Variants in NCOA1 observed in about 807,000 individuals in gnomAD.
NCOA1 encodes the protein Hin-2 protein.
Under a neutral mutation model 150.9 loss-of-function variants are expected in NCOA1, and 35 were observed. That is an observed-to-expected ratio of 0.23 (90% CI 0.18 to 0.31). The LOEUF (loss-of-function observed/expected upper bound fraction) is 0.31. Ranked by LOEUF, NCOA1 falls within the 10% of genes least tolerant of loss-of-function variation. The pLI, the probability that NCOA1 is intolerant of heterozygous loss-of-function variation, is 1.00. For missense variants in NCOA1, 1,491 were observed against 1,749.3 expected (o/e 0.85, Z 2.63); for synonymous variants, 590 against 630.0 (o/e 0.94, Z 0.95).
Position 24,762,855 on chromosome 2 carries a change from G to A in NCOA1, c.4155+79G>A, listed in dbSNP as rs180988917. On this transcript the variant is annotated intron_variant, in intron 22 of 22. Coordinates refer to ENST00000348332, the MANE Select transcript of NCOA1 (RefSeq NM_003743.5). Reference sequence around the variant, plus strand: ...AGGTCATTGTGTAGCATCATTAAGAGCCTGACCTTGGGAGTCAGACCTGGG... The same window carrying A: ...AGGTCATTGTGTAGCATCATTAAGAACCTGACCTTGGGAGTCAGACCTGGG... 201 of 1,302,590 alleles carry A rather than the reference G, an allele frequency of 1.5e-4. 3 individuals are homozygous for A. Among genetic ancestry groups the A allele is most frequent in the Non-Finnish European group, 7.7e-6 (7 of 906,088 alleles). 80.7% of individuals were successfully genotyped at this position (1,302,590 alleles called of 1,614,324 possible).
At position 24,768,172 on chromosome 2, in the gene NCOA1, C is replaced by T. The variant is rs751915847; in HGVS notation, c.4156-49C>T. ...CTTCAAGTAGTACCCACTCATAAGC[C>T]GGGGGGGCAGACCCTTCTGTCTAAA... is the stretch of plus-strand genomic sequence containing the variant. On this transcript the variant is annotated intron_variant, in intron 22 of 22. Transcript: ENST00000348332. 1.6e-5 allele frequency: 26 copies of T among 1,612,864 alleles called. No individual in the cohort carries two copies. The Admixed American group carries it at 2.3e-4, about 15-fold the overall frequency.
intron 1 of NCOA1, among the ~76,000 whole-genome samples, chr2:24,545,050 T>C (rs1476731137): frequency 3.3e-5 from 5 of 152,174 alleles, no homozygotes; most frequent in African/African-American, 1.2e-4. Flanking sequence ...TATGTATACA[T>C]AGCCTAGTAT....
intron 1 of NCOA1, among the ~76,000 whole-genome samples, chr2:24,537,705 G>A (rs1438560220): frequency 6.6e-6 from 1 of 151,888 alleles, no homozygotes; most frequent in African/African-American, 2.4e-5. Flanking sequence ...TTATGTTAGG[G>A]GTTTTTGTTA....
chr2:24,495,103 G>GTTTTTTTTTTT (rs770141833), intron 1 of NCOA1, among the ~76,000 whole-genome samples: 1 of 117,430 alleles, frequency 8.5e-6, no homozygotes, highest in Non-Finnish European at 1.8e-5. Context: ...TTTTTTTTTT[G>GTTTTTTTTTTT]TTTTTTTTTT....
At chr2:24,730,303 A>G (rs1235198747) in intron 17 of NCOA1, among the ~76,000 whole-genome samples, 2 of 152,200 alleles carry the variant, frequency 1.3e-5, no homozygotes, top group Non-Finnish European at 1.5e-5. Flanking sequence ...TCATTCAATT[A>G]AAGACCTTTC....
chr2:24,683,571 C>T (rs927961067), intron 8 of NCOA1, among the ~76,000 whole-genome samples: 3 of 152,144 alleles, frequency 2.0e-5, no homozygotes, highest in Admixed American at 6.5e-5. Context: ...ATGGGCTATT[C>T]GCTGCTGAGG....
intron 3 of NCOA1, among the ~76,000 whole-genome samples, chr2:24,585,023 A>G (rs921025456): frequency 6.6e-6 from 1 of 152,154 alleles, no homozygotes; most frequent in African/African-American, 2.4e-5. Context: ...AATTTTAATA[A>G]TACTGTTGGC....
At position 24,768,516 on chromosome 2, in the gene NCOA1, CAAAAAAAAAAAAAAAA is replaced by C. The variant is rs772970404; in HGVS notation, c.*135_*150del. ...ATTCTTCAGGTCGTAGCATTTGGAGCAAAAAAAAAAAAAAAAAAAAAAAAAGGAGTTTGCTTTTGTC... is the reference window on the plus strand; with the variant it reads ...ATTCTTCAGGTCGTAGCATTTGGAGCAAAAAAAAAGGAGTTTGCTTTTGTC... On this transcript the variant is annotated 3_prime_UTR_variant, in exon 23 of 23. Transcript: ENST00000348332. The C allele has an allele frequency of 1.1e-4, 6 of 55,200 alleles. No homozygotes were observed. The highest frequency in any genetic ancestry group is 1.7e-4 in the Non-Finnish European group (5 of 28,590). The allele number at this position is 55,200 out of a possible 1,614,324, so 3.4% of individuals were successfully genotyped here. A position where few individuals can be genotyped will look rare whatever the true frequency, so the allele number is the denominator to read the frequency against.
chr2:24,716,845 C>T (rs1422860695), intron 14 of NCOA1, among the ~76,000 whole-genome samples: 1 of 152,174 alleles, frequency 6.6e-6, no homozygotes, highest in Non-Finnish European at 1.5e-5. Flanking sequence ...AAATTATATT[C>T]TCTCTAATCT....
At chr2:24,619,411 A>C (rs1472047742) in intron 3 of NCOA1, among the ~76,000 whole-genome samples, 1 of 152,226 alleles carries the variant, frequency 6.6e-6, no homozygotes, top group African/African-American at 2.4e-5. Context: ...CAATAGTAGG[A>C]GTGATCATTT....
chr2:24,575,287 T>C (rs926933480), intron 2 of NCOA1, among the ~76,000 whole-genome samples: 1 of 152,190 alleles, frequency 6.6e-6, no homozygotes, highest in African/African-American at 2.4e-5. Context: ...TTTCAGATTT[T>C]GTATTTTTAA....
At chr2:24,570,742 T>A (rs879691110) in intron 2 of NCOA1, among the ~76,000 whole-genome samples, 7 of 152,132 alleles carry the variant, frequency 4.6e-5, no homozygotes, top group Admixed American at 3.9e-4. Context: ...GCTCTACCAG[T>A]TTACAGGAAA....
chr2:24,562,853 A>G (rs1257947483), intron 1 of NCOA1, among the ~76,000 whole-genome samples: 1 of 152,184 alleles, frequency 6.6e-6, no homozygotes, highest in African/African-American at 2.4e-5. Context: ...GAGTGCATCC[A>G]AGGGAATGAG....
At chr2:24,685,243 G>A (rs1672348549) in intron 8 of NCOA1, among the ~76,000 whole-genome samples, 2 of 152,080 alleles carry the variant, frequency 1.3e-5, no homozygotes, top group Admixed American at 1.3e-4. Context: ...TGAATTTACA[G>A]ATTTAGAAGA....
intron 10 of NCOA1, among the ~76,000 whole-genome samples, chr2:24,696,359 A>G (rs1265751069): frequency 6.6e-6 from 1 of 152,204 alleles, no homozygotes; most frequent in African/African-American, 2.4e-5. Context: ...TGGGGAAAAT[A>G]TTTAATCAGG....
intron 1 of NCOA1, among the ~76,000 whole-genome samples, chr2:24,512,965 G>C (rs541909526): frequency 1.2e-4 from 19 of 152,288 alleles, no homozygotes; most frequent in African/African-American, 4.6e-4. Context: ...TTGTGTGTGT[G>C]GGTGCATATG....
At chr2:24,508,785 T>A (rs982692453) in intron 1 of NCOA1, among the ~76,000 whole-genome samples, 2 of 152,180 alleles carry the variant, frequency 1.3e-5, no homozygotes, top group African/African-American at 4.8e-5. Flanking sequence ...AGATGTTATT[T>A]TTTTGGTGGG....
intron 1 of NCOA1, among the ~76,000 whole-genome samples, chr2:24,534,418 T>C (rs988827951): frequency 2.0e-5 from 3 of 151,708 alleles, no homozygotes; most frequent in African/African-American, 7.3e-5. Context: ...TTGATTTTTT[T>C]TTTTTAAGGG....
At position 24,559,776 on chromosome 2, in the gene NCOA1, C is replaced by CT. The variant is rs1214804808; in HGVS notation, c.-395-4519_-395-4518insT. On this transcript the variant is annotated intron_variant, in intron 1 of 22. Transcript: ENST00000348332. Reference sequence around the variant, plus strand: ...CTTTTTCCTGCTCTGTACTCCACCACCTGGCAGAGGTTCTTTTGCCTCTAC... The same window carrying CT: ...CTTTTTCCTGCTCTGTACTCCACCACTCTGGCAGAGGTTCTTTTGCCTCTAC... Among the ~76,000 whole-genome samples the CT allele has an allele frequency of 3.9e-4, 10 of 25,400 alleles. No individual in the cohort carries two copies. In the East Asian group the frequency reaches 0.038, roughly 98 times the overall value. The allele number at this position is 25,400 out of a possible 152,430, so 16.7% of individuals were successfully genotyped here.
Sources: gnomAD v4.1 joint callset for allele counts (sites outside exome capture counted in the v4.1 genomes callset) on GRCh38, gnomAD v4.1.1 for gene constraint, MANE v1.5 for transcripts, NCBI Gene and HGNC (gene_info 2026-07-23, HGNC 2026-07-21) for gene names.